UNC80: variants seen among roughly 807,000 people sequenced by gnomAD.
UNC80 encodes protein unc-80 homolog.
In UNC80, 164 loss-of-function variants were observed where a neutral mutation model predicts 384.6. The ratio of observed to expected loss-of-function variants is 0.43; its 90% CI spans 0.38 to 0.49. The LOEUF (loss-of-function observed/expected upper bound fraction) is 0.49. Among genes scored for constraint, UNC80 ranks in the 20% least tolerant of loss-of-function variants. The pLI is 0.00. For missense variants in UNC80, 3,330 were observed against 4,143.0 expected (o/e 0.80, Z 5.39); for synonymous variants, 1,486 against 1,527.8 (o/e 0.97, Z 0.64).
intron 59 of UNC80, 59 bp from the exon 60 acceptor site, chr2:209,982,120 T>C: frequency 6.6e-7 from 1 of 1,505,664 alleles, no homozygotes; most frequent in Non-Finnish European, 8.9e-7. Context: ...CAGCTTTGGT[T>C]GGGTTTTTCT....
chr2:209,980,080 G>T (rs2093122773), intron 59 of UNC80, among the ~76,000 whole-genome samples: 3 of 152,262 alleles, frequency 2.0e-5, no homozygotes, highest in Non-Finnish European at 4.4e-5. Flanking sequence ...ACACATTTCT[G>T]TCTAAATCAC....
chr2:209,790,260 C>T (rs2077712268), intron 6 of UNC80, among the ~76,000 whole-genome samples: 1 of 152,120 alleles, frequency 6.6e-6, no homozygotes, highest in Non-Finnish European at 1.5e-5. Flanking sequence ...AAATGACCTG[C>T]TTTCACTTTC....
chr2:209,821,136 A>G (rs1050927233), intron 13 of UNC80, among the ~76,000 whole-genome samples: 17 of 152,238 alleles, frequency 1.1e-4, no homozygotes, highest in African/African-American at 3.6e-4. Context: ...AAGTGCTGTC[A>G]GGTTTAGTTT....
intron 45 of UNC80, among the ~76,000 whole-genome samples, chr2:209,943,739 A>T (rs1207706305): frequency 1.3e-5 from 2 of 152,146 alleles, no homozygotes; most frequent in African/African-American, 4.8e-5. Context: ...AGGTGAACTA[A>T]CTAGTAGTTG....
chr2:209,890,056 A>G (rs1336359126), intron 26 of UNC80, among the ~76,000 whole-genome samples: 1 of 152,048 alleles, frequency 6.6e-6, no homozygotes, highest in Non-Finnish European at 1.5e-5. Flanking sequence ...GTAGTTTACT[A>G]TTATTATTAT....
Position 209,816,966 on chromosome 2 carries a change from G to A in UNC80, c.1393G>A (p.Gly465Ser), listed in dbSNP as rs1192155961. Residue 465 changes from glycine (G) to serine (S), a missense_variant, in exon 10 of 65, where the codon GGC becomes AGC. Physicochemically the swap from Gly to Ser is moderately conservative, Grantham distance 56. Transcript: ENST00000673920. Reference sequence around the variant, plus strand: ...AGGCTCCATTCCATTCCACCACACAGGCAAGAGGAGGCCACGGAGAATGGG... The same window carrying A: ...AGGCTCCATTCCATTCCACCACACAAGCAAGAGGAGGCCACGGAGAATGGG... ...RKGSIPFHHT[G>S]KRRPRRMGVP... 2 of 1,551,706 alleles carry A rather than the reference G, an allele frequency of 1.3e-6. No individual in the cohort carries two copies. Among genetic ancestry groups the A allele is most frequent in the East Asian group, 4.9e-5 (2 of 40,916 alleles).
chr2:209,865,762 T>C (rs1423495214), intron 22 of UNC80, among the ~76,000 whole-genome samples: 2 of 152,202 alleles, frequency 1.3e-5, no homozygotes, highest in Non-Finnish European at 2.9e-5. Flanking sequence ...CCATTTTCCT[T>C]GCATCTTAGA....
intron 25 of UNC80, among the ~76,000 whole-genome samples, chr2:209,886,005 G>A (rs926793881): frequency 4.0e-5 from 6 of 151,826 alleles, no homozygotes; most frequent in African/African-American, 1.5e-4. Context: ...CCTCGTGATC[G>A]GCCTGCCTTG....
chr2:209,808,181 G>T (rs2079028944), intron 7 of UNC80, among the ~76,000 whole-genome samples: 3 of 152,156 alleles, frequency 2.0e-5, no homozygotes, highest in Admixed American at 6.5e-5. Context: ...TGTATATAGA[G>T]AAAGATACCA....
At chr2:209,863,815 C>A (rs1465725098) in intron 22 of UNC80, among the ~76,000 whole-genome samples, 4 of 151,934 alleles carry the variant, frequency 2.6e-5, no homozygotes, top group Non-Finnish European at 5.9e-5. Context: ...TTCTATTACC[C>A]ATCTTCTGAA....
At chr2:209,830,494 C>T (rs1030650972) in intron 15 of UNC80, among the ~76,000 whole-genome samples, 6 of 151,998 alleles carry the variant, frequency 3.9e-5, no homozygotes, top group African/African-American at 1.5e-4. Flanking sequence ...GAGATCATCC[C>T]CTGTCAATTG....
intron 33 of UNC80, 91 bp from the exon 34 acceptor site, chr2:209,921,409 C>A: frequency 8.0e-7 from 1 of 1,255,848 alleles, no homozygotes; most frequent in Non-Finnish European, 1.1e-6. Flanking sequence ...GGACAAACTA[C>A]TACGTTTGTG....
intron 42 of UNC80, among the ~76,000 whole-genome samples, chr2:209,938,708 C>CTG (rs1446454263): frequency 1.7e-4 from 24 of 138,324 alleles, no homozygotes; most frequent in Non-Finnish European, 2.4e-4. Flanking sequence ...CTCTCTCTCT[C>CTG]TCTGTGTGTG....
chr2:209,835,882 A>C (rs909542638), intron 18 of UNC80, among the ~76,000 whole-genome samples: 4 of 152,226 alleles, frequency 2.6e-5, no homozygotes, highest in Admixed American at 6.5e-5. Context: ...ATCTTCAAAG[A>C]AAAAATGCCC....
At chr2:209,858,302 T>C (rs1025316446) in intron 22 of UNC80, among the ~76,000 whole-genome samples, 5 of 152,244 alleles carry the variant, frequency 3.3e-5, no homozygotes, top group African/African-American at 1.2e-4. Flanking sequence ...ACAAGGCTAA[T>C]AGATAGCTAC....
At chr2:209,823,697 ATAAT>A (rs1426880338) in intron 13 of UNC80, among the ~76,000 whole-genome samples, 1 of 151,688 alleles carries the variant, frequency 6.6e-6, no homozygotes, top group Non-Finnish European at 1.5e-5. Context: ...ATTAATAATA[ATAAT>A]TAGTTTTTCT....
At chr2:209,948,783 A>G (rs925709522) in intron 47 of UNC80, among the ~76,000 whole-genome samples, 8 of 152,090 alleles carry the variant, frequency 5.3e-5, no homozygotes, top group East Asian at 1.9e-4. Context: ...TAAGAATAGT[A>G]TTTGCTAAAG....
chr2:209,943,476 C>CAGCTGTTTGCT lies in UNC80; in HGVS notation c.7015_7025dup (p.Val2343CysfsTer35), dbSNP rs2091752817. 6.4e-7 allele frequency: 1 copy of CAGCTGTTTGCT among 1,551,878 alleles called. No individual in the cohort carries two copies. Among genetic ancestry groups the CAGCTGTTTGCT allele is most frequent in the East Asian group, 2.4e-5 (1 of 40,912 alleles). On this transcript the variant is annotated frameshift_variant, in exon 45 of 65. Transcript: ENST00000673920. LOFTEE classifies it high-confidence loss of function. ...TCTACACCGGAAGCCCTTTGTGCTC[C>CAGCTGTTTGCT]AGCTGTTTGCTAGTGTGGCCCCTCT...
At chr2:209,809,537 T>A in intron 7 of UNC80, 2 of 1,010,804 alleles carry the variant, frequency 2.0e-6, no homozygotes, top group Non-Finnish European at 3.1e-6. Context: ...ATGGCCCTGC[T>A]CCACAAGCAC....
Sources: gnomAD v4.1 joint callset for allele counts (sites outside exome capture counted in the v4.1 genomes callset) on GRCh38, gnomAD v4.1.1 for gene constraint, MANE v1.5 for transcripts, NCBI Gene and HGNC (gene_info 2026-07-23, HGNC 2026-07-21) for gene names.